Variants in NARS2 observed in about 807,000 individuals in gnomAD.
The protein encoded by NARS2 is asparaginyl-tRNA synthetase 2, mitochondrial, also known as asparaginyl-tRNA synthetase.
NARS2 carries 60 observed loss-of-function variants against 62.9 expected under a neutral mutation model. The ratio of observed to expected loss-of-function variants is 0.95; its 90% CI spans 0.77 to 1.18. NARS2 has a LOEUF of 1.18. NARS2 is among the 50% of genes most tolerant of loss of function. The pLI, the probability that NARS2 is intolerant of heterozygous loss-of-function variation, is 0.00. For missense variants in NARS2, 619 were observed against 576.4 expected, an observed-to-expected ratio of 1.07 and a Z score of -0.76; for synonymous variants, 196 against 200.0, an observed-to-expected ratio of 0.98 and a Z score of 0.17.
At chr11:78,469,590 A>T (rs763624811) in intron 9 of NARS2, among the ~76,000 whole-genome samples, 5 of 152,220 alleles carry the variant, frequency 3.3e-5, no homozygotes, top group Admixed American at 1.3e-4. Flanking sequence ...CCAATGCCCT[A>T]TTAAAAGACT....
chr11:78,440,813 G>A (rs1005154658), intron 13 of NARS2, among the ~76,000 whole-genome samples: 3 of 152,144 alleles, frequency 2.0e-5, no homozygotes, highest in Admixed American at 6.5e-5. Flanking sequence ...GATTACAGGC[G>A]TGAGCCACTG....
intron 10 of NARS2, 37 bp from the exon 11 acceptor site, chr11:78,466,050 C>G: frequency 3.9e-6 from 6 of 1,550,570 alleles, no homozygotes; most frequent in Non-Finnish European, 5.2e-6. Flanking sequence ...AAAGAGGAGA[C>G]AGAGGTGAAA....
chr11:78,563,829 C>CAAAAAA lies in NARS2; in HGVS notation c.513+2297_513+2302dup, dbSNP rs1167838676. On this transcript the variant is annotated intron_variant, in intron 4 of 13. Coordinates refer to ENST00000281038, the MANE Select transcript of NARS2 (RefSeq NM_024678.6). ...CTGGGCAACAGAGTGAACTCTGTATCAAAAAAAAAAAAAAAAAAAAAAATA... is the reference window on the plus strand; with the variant it reads ...CTGGGCAACAGAGTGAACTCTGTATCAAAAAAAAAAAAAAAAAAAAAAAAAAAAATA... Among the ~76,000 whole-genome samples the CAAAAAA allele has an allele frequency of 3.5e-4, 5 of 14,118 alleles. 1 individual carries two copies. Among genetic ancestry groups the CAAAAAA allele is most frequent in the African/African-American group, 1.3e-3 (5 of 3,764 alleles). The allele number at this position is 14,118 out of a possible 152,430, so 9.3% of individuals were successfully genotyped here. A position where few individuals can be genotyped will look rare whatever the true frequency, so the allele number is the denominator to read the frequency against.
intron 6 of NARS2, among the ~76,000 whole-genome samples, chr11:78,524,508 T>C (rs1861230663): frequency 6.6e-6 from 1 of 152,110 alleles, no homozygotes; most frequent in Non-Finnish European, 1.5e-5. Context: ...CATTCTTTCT[T>C]TTTAGGCTGA....
intron 6 of NARS2, among the ~76,000 whole-genome samples, chr11:78,504,244 C>T (rs1860397683): frequency 6.6e-6 from 1 of 152,106 alleles, no homozygotes; most frequent in Non-Finnish European, 1.5e-5. Flanking sequence ...ATAAAAGTCC[C>T]TAAAGAATGT....
rs1555023813 is a variant in NARS2, at chr11:78,497,241, G to GCAA, written c.690-4047_690-4046insTTG. On this transcript the variant is annotated intron_variant, in intron 6 of 13. Coordinates refer to ENST00000281038, the MANE Select transcript of NARS2 (RefSeq NM_024678.6). The stretch of plus-strand genomic sequence containing the variant: ...TCTTTGGAAAATAAAAAGCAAAATT[G>GCAA]AAAAAAAAAAAAAAAAAAAAGGTTC... Among the ~76,000 whole-genome samples the GCAA allele has an allele frequency of 9.8e-4, 105 of 107,250 alleles. 13 individuals carry two copies. The highest frequency in any genetic ancestry group is 1.2e-3 in the African/African-American group (32 of 25,762). The allele number at this position is 107,250 out of a possible 152,430, so 70.4% of individuals were successfully genotyped here.
intron 5 of NARS2, among the ~76,000 whole-genome samples, chr11:78,555,871 T>G (rs1180607089): frequency 1.3e-5 from 2 of 152,222 alleles, no homozygotes; most frequent in Non-Finnish European, 2.9e-5. Flanking sequence ...GAGATTCTGG[T>G]ACGTTGTATC....
chr11:78,443,666 T>G lies in NARS2; in HGVS notation c.1257A>C (p.Leu419Phe). 6.2e-7 allele frequency: 1 copy of G among 1,611,024 alleles called. No homozygotes were observed. The highest frequency in any genetic ancestry group is 1.7e-4 in the Middle Eastern group (1 of 6,048). ...EERYHFLEERLARSGLTEVYQ... is the reference protein window; with the variant it reads ...EERYHFLEERFARSGLTEVYQ... ...CTTTTAGGTCTGACCAGTACCTGGCTAAGCGCTCCTCTAAGAAATGGTATC... is the reference window on the plus strand; with the variant it reads ...CTTTTAGGTCTGACCAGTACCTGGCGAAGCGCTCCTCTAAGAAATGGTATC... Residue 419 changes from leucine to phenylalanine, a missense_variant, in exon 12 of 14, where the codon TTA becomes TTC. Physicochemically the swap from Leu to Phe is conservative, Grantham distance 22. Coordinates refer to ENST00000281038, the MANE Select transcript of NARS2 (RefSeq NM_024678.6).
At chr11:78,523,980 A>T (rs1861215513) in intron 6 of NARS2, among the ~76,000 whole-genome samples, 1 of 152,140 alleles carries the variant, frequency 6.6e-6, no homozygotes, top group Admixed American at 6.5e-5. Context: ...AAATTGGTGA[A>T]TTTTAGGGCA....
chr11:78,548,047 G>A (rs1032450425), intron 5 of NARS2, among the ~76,000 whole-genome samples: 1 of 152,078 alleles, frequency 6.6e-6, no homozygotes, highest in Non-Finnish European at 1.5e-5. Context: ...TAATGACCTT[G>A]TCTCTACTAA....
chr11:78,494,763 AC>A (rs1460722608), intron 6 of NARS2, among the ~76,000 whole-genome samples: 1 of 152,192 alleles, frequency 6.6e-6, no homozygotes, highest in Non-Finnish European at 1.5e-5. Flanking sequence ...TTTGAAAAAG[AC>A]TAAACCTACC....
chr11:78,513,342 CTTTCT>C (rs1340444673), intron 6 of NARS2, among the ~76,000 whole-genome samples: 16 of 75,920 alleles, frequency 2.1e-4, no homozygotes, highest in Middle Eastern at 6.5e-3. Context: ...CTTATTCACT[CTTTCT>C]TTTTTTTTTT....
At chr11:78,499,168 G>A (rs1286605927) in intron 6 of NARS2, among the ~76,000 whole-genome samples, 2 of 151,616 alleles carry the variant, frequency 1.3e-5, no homozygotes, top group African/African-American at 2.4e-5. Flanking sequence ...CGCCTGCCTC[G>A]GCCTCCCAAA....
At position 78,440,027 on chromosome 11, in the gene NARS2, T is replaced by C. The variant is rs143121933; in HGVS notation, c.1289+1064A>G. On this transcript the variant is annotated intron_variant, in intron 13 of 13. Coordinates refer to ENST00000281038, the MANE Select transcript of NARS2 (RefSeq NM_024678.6). ...GCCCCTAATTTCACACATAAAGAAA[T>C]TGCAGCATAATGCTTAAGAGCAAAG... is the stretch of plus-strand genomic sequence containing the variant. Among the ~76,000 whole-genome samples, 831 of 152,290 alleles carry C rather than the reference T, an allele frequency of 5.5e-3. 6 individuals are homozygous for C. Among genetic ancestry groups the C allele is most frequent in the Non-Finnish European group, 6.9e-3 (472 of 68,022 alleles).
intron 13 of NARS2, among the ~76,000 whole-genome samples, chr11:78,439,010 C>G (rs769623997): frequency 6.6e-5 from 10 of 151,090 alleles, no homozygotes; most frequent in Non-Finnish European, 1.3e-4. Flanking sequence ...GAGTCTCACT[C>G]TATTGCCCAG....
At chr11:78,561,128 ATTT>A (rs771442395) in intron 4 of NARS2, among the ~76,000 whole-genome samples, 4 of 152,344 alleles carry the variant, frequency 2.6e-5, no homozygotes, top group East Asian at 1.9e-4. Context: ...AGTGGGAATT[ATTT>A]TTAATACTTA....
Position 78,493,210 on chromosome 11 carries a change from T to G in NARS2, c.690-15A>C. 6.2e-7 allele frequency: 1 copy of G among 1,605,110 alleles called. No individual in the cohort carries two copies. Among genetic ancestry groups the G allele is most frequent in the Non-Finnish European group, 8.5e-7 (1 of 1,177,322 alleles). ...GAGTAAAAGCTCTGCAATTCAAGAT[T>G]AAGAGAATGCAAATAGAATTCACAT... On this transcript the variant is annotated splice_polypyrimidine_tract_variant and intron_variant, in intron 6 of 13. Coordinates refer to ENST00000281038, the MANE Select transcript of NARS2 (RefSeq NM_024678.6).
chr11:78,532,316 A>G (rs1465252788), intron 5 of NARS2, among the ~76,000 whole-genome samples: 2 of 152,192 alleles, frequency 1.3e-5, no homozygotes, highest in African/African-American at 4.8e-5. Context: ...ATAAAGGAAG[A>G]TATAGGCAAA....
intron 5 of NARS2, among the ~76,000 whole-genome samples, chr11:78,551,561 C>A (rs1250653444): frequency 6.6e-6 from 1 of 152,088 alleles, no homozygotes; most frequent in East Asian, 1.9e-4. Context: ...TTTAAAAACC[C>A]TGCTCCAGGC....
Sources: allele counts gnomAD v4.1 joint callset (sites outside exome capture counted in the v4.1 genomes callset), GRCh38; gene constraint gnomAD v4.1.1; transcripts MANE v1.5; gene names NCBI Gene and HGNC (gene_info 2026-07-23, HGNC 2026-07-21).